NRDC: variants seen among roughly 807,000 people sequenced by gnomAD.
NRDC encodes the protein nardilysin convertase.
A neutral mutation model predicts 147.1 loss-of-function variants in NRDC; 54 were observed. That is an observed-to-expected ratio of 0.37 (90% CI 0.29 to 0.46). The LOEUF is 0.46. Ranked by LOEUF, NRDC falls within the 20% of genes least tolerant of loss-of-function variation. The pLI is 1.00. For synonymous variants in NRDC, 440 were observed against 482.1 expected (o/e 0.91, Z 1.14); for missense variants, 1,082 against 1,370.6 (o/e 0.79, Z 3.33).
At chr1:51,829,335 C>A (rs897149604) in intron 4 of NRDC, among the ~76,000 whole-genome samples, 1 of 152,212 alleles carries the variant, frequency 6.6e-6, no homozygotes, top group Admixed American at 6.5e-5. Flanking sequence ...CATGAGTCAC[C>A]ATGCCCAGCC....
chr1:51,813,804 C>A (rs1679835894), intron 14 of NRDC, among the ~76,000 whole-genome samples: 2 of 152,162 alleles, frequency 1.3e-5, no homozygotes, highest in African/African-American at 2.4e-5. Context: ...GATTACCACA[C>A]AACATCATCT....
At chr1:51,843,868 A>G (rs563662820) in intron 1 of NRDC, among the ~76,000 whole-genome samples, 150 of 139,166 alleles carry the variant, frequency 1.1e-3, no homozygotes, top group Admixed American at 3.3e-3. Flanking sequence ...AGGTTGGGGG[A>G]AAAAAAAAAA....
intron 1 of NRDC, among the ~76,000 whole-genome samples, chr1:51,854,927 G>A (rs919148318): frequency 1.3e-5 from 2 of 152,238 alleles, no homozygotes; most frequent in East Asian, 1.9e-4. Flanking sequence ...ACTGGGGACT[G>A]AACTCTGACT....
At chr1:51,791,453 G>A in intron 27 of NRDC, 125 bp downstream of exon 27, 2 of 740,574 alleles carry the variant, frequency 2.7e-6, no homozygotes, top group Non-Finnish European at 4.8e-6. Context: ...CATCTTCCCA[G>A]CTTCCACTGA....
intron 2 of NRDC, among the ~76,000 whole-genome samples, chr1:51,839,401 G>A (rs1292289422): frequency 6.6e-6 from 1 of 151,994 alleles, no homozygotes; most frequent in African/African-American, 2.4e-5. Context: ...CTGGACTCAA[G>A]TGATCTGCCC....
intron 4 of NRDC, among the ~76,000 whole-genome samples, chr1:51,831,877 G>A (rs531672437): frequency 2.3e-4 from 35 of 150,312 alleles, no homozygotes; most frequent in Admixed American, 6.6e-4. Context: ...GCAGTCAGCC[G>A]AGATCACATC....
At chr1:51,857,230 TTCAG>T (rs1284192300) in intron 1 of NRDC, among the ~76,000 whole-genome samples, 2 of 152,184 alleles carry the variant, frequency 1.3e-5, no homozygotes, top group Non-Finnish European at 2.9e-5. Flanking sequence ...ATTACCGAGT[TTCAG>T]TCAATCAAAG....
chr1:51,849,002 T>C (rs1681797907), intron 1 of NRDC, among the ~76,000 whole-genome samples: 1 of 152,166 alleles, frequency 6.6e-6, no homozygotes, highest in Admixed American at 6.5e-5. Context: ...TAAACAGTCA[T>C]ACTATATTAC....
At chr1:51,812,925 G>A (rs946653161) in intron 14 of NRDC, among the ~76,000 whole-genome samples, 15 of 129,048 alleles carry the variant, frequency 1.2e-4, no homozygotes, top group African/African-American at 4.4e-4. Flanking sequence ...TCATGCCACC[G>A]CACTCCTGCC....
intron 1 of NRDC, among the ~76,000 whole-genome samples, chr1:51,845,940 C>CA (rs1681543449): frequency 1.3e-5 from 2 of 151,368 alleles, no homozygotes; most frequent in South Asian, 4.2e-4. Context: ...CAAAATGAGA[C>CA]AAAATCTAAC....
intron 1 of NRDC, among the ~76,000 whole-genome samples, chr1:51,849,588 G>T (rs1681835041): frequency 6.6e-6 from 1 of 151,712 alleles, no homozygotes; most frequent in Non-Finnish European, 1.5e-5. Flanking sequence ...AGGTGGAGGT[G>T]GATGGATCAC....
At position 51,835,410 on chromosome 1, in the gene NRDC, T is replaced by C. The variant is rs1385365230; in HGVS notation, c.712+721A>G. 2.0e-5 allele frequency among the ~76,000 whole-genome samples: 3 copies of C among 151,828 alleles called. No homozygotes were observed. In the South Asian group the frequency reaches 6.2e-4, roughly 32 times the overall value. ...TTCCAAATTAAATGAAAAGCTTCTA[T>C]TGTTTTGTTTTTATATTAATCATGC... On this transcript the variant is annotated intron_variant, in intron 3 of 30. Transcript: ENST00000352171.
chr1:51,861,806 G>A (rs1184339781), intron 1 of NRDC, among the ~76,000 whole-genome samples: 2 of 152,128 alleles, frequency 1.3e-5, no homozygotes, highest in Non-Finnish European at 1.5e-5. Context: ...CCAAACATTG[G>A]TCATAAACCA....
At chr1:51,837,499 C>T in intron 2 of NRDC, 3 of 1,586,588 alleles carry the variant, frequency 1.9e-6, no homozygotes, top group Non-Finnish European at 2.6e-6. Flanking sequence ...GCTTTCAGCT[C>T]CAACTACCCC....
At chr1:51,790,432 A>G (rs1431437180) in intron 29 of NRDC, 101 bp downstream of exon 29, 2 of 783,524 alleles carry the variant, frequency 2.6e-6, no homozygotes, top group African/African-American at 1.7e-5. Context: ...TAGTGTTTCG[A>G]GTTTCTCTTC....
At position 51,803,833 on chromosome 1, in the gene NRDC, C is replaced by T; in HGVS notation, c.2294G>A (p.Gly765Glu). 1 of 1,613,006 alleles carries T rather than the reference C, an allele frequency of 6.2e-7. No individual in the cohort carries two copies. Among genetic ancestry groups the T allele is most frequent in the Non-Finnish European group, 8.5e-7 (1 of 1,179,550 alleles). The stretch of plus-strand genomic sequence containing the variant: ...ACTTACAGGTAGTTTGTGGTTAAAT[C>T]CTTTCACTCGAATAATTAAACCATG... ...GEHGLIIRVK[G>E]FNHKLPLLFQ... is the part of the protein sequence containing the mutation. The change falls in exon 20 of 31, where the codon GGA (glycine) becomes GAA (glutamate). Residue 765 changes from glycine to glutamate, a missense_variant. Physicochemically the swap from Gly to Glu is moderately conservative, Grantham distance 98 (BLOSUM62 -2). Transcript: ENST00000352171.
chr1:51,821,880 G>A (rs856611), intron 7 of NRDC, among the ~76,000 whole-genome samples: 3,127 of 152,082 alleles, frequency 0.021, 93 homozygotes, highest in African/African-American at 0.072. Context: ...ACCATCCTAC[G>A]CCCATTCTAA....
intron 8 of NRDC, among the ~76,000 whole-genome samples, chr1:51,820,962 A>G (rs1680183327): frequency 6.6e-6 from 1 of 152,144 alleles, no homozygotes; most frequent in African/African-American, 2.4e-5. Context: ...AAAATGTTTA[A>G]ATCATCCTGA....
In NRDC at chr1:51,798,287, A is replaced by G. The variant is rs1679024948; in HGVS notation, c.2566T>C (p.Phe856Leu). ...TTCCCTTGTACCAGGCCCTCCACAAAGAGCTGGGATTTGAATTCTTTGACG... is the reference window on the plus strand; with the variant it reads ...TTCCCTTGTACCAGGCCCTCCACAAGGAGCTGGGATTTGAATTCTTTGACG... ...SFVKEFKSQLFVEGLVQGNVT... is the reference protein window; with the variant it reads ...SFVKEFKSQLLVEGLVQGNVT... The change falls in exon 22 of 31, where the codon TTT (phenylalanine) becomes CTT (leucine). Residue 856 changes from phenylalanine to leucine, a missense_variant. By Grantham distance (22) the Phe-to-Leu change is conservative. Around this residue, in one of 3 missense-constraint regions of NRDC, gnomAD observed 635 missense variants for 923.8 expected, o/e 0.69. Transcript: ENST00000352171. 6.2e-7 allele frequency: 1 copy of G among 1,614,170 alleles called. No individual in the cohort carries two copies. The highest frequency in any genetic ancestry group is 8.5e-7 in the Non-Finnish European group (1 of 1,180,020).
Sources: allele counts gnomAD v4.1 joint callset (sites outside exome capture counted in the v4.1 genomes callset), GRCh38; gene constraint gnomAD v4.1.1; regional missense constraint gnomAD v4.1.1; transcripts MANE v1.5; gene names NCBI Gene and HGNC (gene_info 2026-07-23, HGNC 2026-07-21).